IL18BP: variants seen among roughly 807,000 people sequenced by gnomAD.
IL18BP encodes interleukin-18-binding protein.
A neutral mutation model predicts 19.9 loss-of-function variants in IL18BP; 23 were observed. The observed-to-expected ratio is 1.15, with a 90% CI of 0.83 to 1.64. IL18BP has a LOEUF of 1.64. Among genes scored for constraint, IL18BP ranks in the 40% most tolerant of loss-of-function variants. The pLI is 0.00. For missense variants in IL18BP, 239 were observed against 240.7 expected, an observed-to-expected ratio of 0.99 and a Z score of 0.05; for synonymous variants, 107 against 101.0, an observed-to-expected ratio of 1.06 and a Z score of -0.35.
rs751888378 is a variant in IL18BP, at chr11:72,000,015, A to G, written c.28+3A>G. The stretch of plus-strand genomic sequence containing the variant: ...CATGAGACACAACTGGACACCAGGT[A>G]GGCCTTGGGGCTACGCATGGGCAGG... On this transcript the variant is annotated splice_donor_region_variant and intron_variant, in intron 2 of 5. Transcript: ENST00000393703. 6 of 1,613,912 alleles carry G rather than the reference A, an allele frequency of 3.7e-6. No homozygotes were observed. Among genetic ancestry groups the G allele is most frequent in the Middle Eastern group, 1.7e-4 (1 of 6,056 alleles).
At chr11:72,004,412 C>G, downstream of IL18BP, 1 of 1,430,048 alleles carries the variant, frequency 7.0e-7, no homozygotes, top group Non-Finnish European at 9.8e-7. Flanking sequence ...GTCTTGTCCT[C>G]TCAGAGCTGA....
In IL18BP at chr11:71,999,943, A is replaced by G. The variant is rs745413906; in HGVS notation, c.-42A>G. On this transcript the variant is annotated 5_prime_UTR_variant, in exon 2 of 6. Coordinates refer to ENST00000393703, the MANE Select transcript of IL18BP (RefSeq NM_001039660.2). ...TTTCACCAGAGAAGAGGACGTTGTC[A>G]CAGATAAAGAGCCAGGCTCACCAGC... The G allele has an allele frequency of 8.7e-6, 14 of 1,610,570 alleles. No individual in the cohort carries two copies. The highest frequency in any genetic ancestry group is 4.0e-5 in the African/African-American group (3 of 74,864).
At chr11:72,005,510 G>A (rs1031799374), downstream of IL18BP, 8 of 726,884 alleles carry the variant, frequency 1.1e-5, no homozygotes, top group Admixed American at 8.4e-5. Flanking sequence ...TGCCGCAGGT[G>A]CAGGAGTACG....
downstream of IL18BP, chr11:72,004,265 G>A (rs755627226): frequency 1.9e-6 from 3 of 1,613,336 alleles, no homozygotes; most frequent in African/African-American, 2.7e-5. Context: ...CTGGGCCTCA[G>A]TAGTGCTCTG....
Position 72,002,252 on chromosome 11 carries a change from C to T in IL18BP, c.*391C>T, listed in dbSNP as rs1955295571. The T allele has an allele frequency of 1.2e-5, 3 of 243,088 alleles. No homozygotes were observed. In the East Asian group the frequency reaches 2.7e-4, roughly 22 times the overall value. 15.1% of individuals were successfully genotyped at this position (243,088 alleles called of 1,614,324 possible). A position where few individuals can be genotyped will look rare whatever the true frequency, so the allele number is the denominator to read the frequency against. ...TATTCTTGCTTTTCCCAGACAGCTC[C>T]CACTCCCATGTCTCTGCTCATTTAG... is the stretch of plus-strand genomic sequence containing the variant. On this transcript the variant is annotated 3_prime_UTR_variant, in exon 6 of 6. Coordinates refer to ENST00000393703, the MANE Select transcript of IL18BP (RefSeq NM_001039660.2).
chr11:72,008,199 A>C (rs1177481694), downstream of IL18BP: 6 of 468,326 alleles, frequency 1.3e-5, no homozygotes, highest in Admixed American at 1.4e-4. Context: ...TTCCAGTCTT[A>C]ACTTCTATAC....
downstream of IL18BP, chr11:72,005,563 C>T (rs542108045): frequency 1.8e-6 from 1 of 570,694 alleles, no homozygotes. Context: ...TCACCACCTT[C>T]TCCCTGGAGA....
downstream of IL18BP, chr11:72,005,493 G>GA: frequency 1.2e-6 from 1 of 864,052 alleles, no homozygotes; most frequent in Admixed American, 2.5e-5. Flanking sequence ...ACACCAGTCT[G>GA]ATTCAGTGCC....
intron 1 of IL18BP, 102 bp downstream of exon 1, chr11:71,999,121 C>T (rs748559607): frequency 2.1e-5 from 11 of 514,728 alleles, no homozygotes; most frequent in African/African-American, 9.7e-5. Context: ...GAGATGTAGC[C>T]GACCTTGGGG....
intron 3 of IL18BP, 71 bp from the exon 4 acceptor site, chr11:72,001,126 CAGGG>C (rs535064508): frequency 1.8e-4 from 284 of 1,573,358 alleles, no homozygotes; most frequent in Non-Finnish European, 2.4e-4. Context: ...GGGGAGCTGG[CAGGG>C]AGGGCACAGC....
chr11:72,006,105 A>G, downstream of IL18BP: 1 of 1,614,124 alleles, frequency 6.2e-7, no homozygotes, highest in Non-Finnish European at 8.5e-7. Flanking sequence ...GGCGGTAGCC[A>G]GGCAAGCTGA....
At chr11:72,004,695 C>T (rs776469955), downstream of IL18BP, 26 of 1,613,426 alleles carry the variant, frequency 1.6e-5, no homozygotes, top group South Asian at 3.3e-5. Context: ...GCGCTGCTGC[C>T]GGGTGGTGAT....
chr11:72,001,703 AGAG>A (rs1955256040), intron 5 of IL18BP, 78 bp from the exon 6 acceptor site: 1 of 1,612,860 alleles, frequency 6.2e-7, no homozygotes, highest in Non-Finnish European at 8.5e-7. Flanking sequence ...GGTCTTGGGC[AGAG>A]GAGGTGTAGC....
chr11:72,003,967 G>T, downstream of IL18BP: 1 of 1,613,302 alleles, frequency 6.2e-7, no homozygotes, highest in Non-Finnish European at 8.5e-7. Flanking sequence ...CGCGGAGAAC[G>T]GCGGGTTCCA....
intron 3 of IL18BP, among the ~76,000 whole-genome samples, chr11:72,000,904 G>A (rs971375376): frequency 5.9e-5 from 9 of 152,182 alleles, no homozygotes; most frequent in African/African-American, 2.2e-4. Flanking sequence ...TTTGTCACCT[G>A]GGCTCCCAAG....
At chr11:72,005,626 A>AG (rs1203398230), downstream of IL18BP, 5 of 522,586 alleles carry the variant, frequency 9.6e-6, no homozygotes, top group Non-Finnish European at 1.3e-5. Flanking sequence ...TCACCTGCCA[A>AG]GGCTTGGTGG....
downstream of IL18BP, chr11:72,004,096 C>A: frequency 6.2e-7 from 1 of 1,613,192 alleles, no homozygotes; most frequent in South Asian, 1.1e-5. Flanking sequence ...TGGCGCCGGT[C>A]AGCCTGCAAG....
downstream of IL18BP, chr11:72,007,041 C>G: frequency 1.1e-6 from 1 of 909,100 alleles, no homozygotes; most frequent in Non-Finnish European, 1.6e-6. Flanking sequence ...AACCAAGTCA[C>G]TGCCCTTTTT....
downstream of IL18BP, chr11:72,004,647 G>A (rs368138406): frequency 2.1e-4 from 335 of 1,612,444 alleles, no homozygotes; most frequent in Non-Finnish European, 2.7e-4. Context: ...TACCTCAGGA[G>A]TTCCAGGGCC....
Sources: gnomAD v4.1 joint callset for allele counts (sites outside exome capture counted in the v4.1 genomes callset) on GRCh38, gnomAD v4.1.1 for gene constraint, MANE v1.5 for transcripts, NCBI Gene and HGNC (gene_info 2026-07-23, HGNC 2026-07-21) for gene names.